The following DPP6 variants were observed in gnomAD, a reference collection of about 807,000 sequenced individuals.
DPP6 encodes the protein dipeptidyl peptidase like 6.
DPP6 carries 69 observed loss-of-function variants against 122.6 expected under a neutral mutation model. That is an observed-to-expected ratio of 0.56 (90% confidence interval 0.46 to 0.69). DPP6 has a LOEUF of 0.69. DPP6 is among the 30% of genes least tolerant of loss of function. The pLI, the probability that DPP6 is intolerant of heterozygous loss-of-function variation, is 0.00. For missense variants in DPP6, 928 were observed against 1,116.9 expected, an observed-to-expected ratio of 0.83 and a Z score of 2.41; for synonymous variants, 418 against 433.1, an observed-to-expected ratio of 0.97 and a Z score of 0.43.
At position 153,961,457 on chromosome 7, in the gene DPP6, C is replaced by T. The variant is rs568104313; in HGVS notation, c.51+73723C>T. 3.8e-3 allele frequency among the ~76,000 whole-genome samples: 569 copies of T among 150,582 alleles called. 2 individuals carry two copies. Among genetic ancestry groups the T allele is most frequent in the Middle Eastern group, 0.028 (8 of 290 alleles). On this transcript the variant is annotated intron_variant, in intron 1 of 25. Transcript: ENST00000404039. ...CACGCTCTTTTCAAAGAGCTTCCCT[C>T]GCTGCTGTCTGTGAGTTTATCTGTG...
At chr7:153,984,766 A>G (rs1484755891) in intron 1 of DPP6, among the ~76,000 whole-genome samples, 1 of 152,184 alleles carries the variant, frequency 6.6e-6, no homozygotes, top group African/African-American at 2.4e-5. Context: ...CTCTTTTGAA[A>G]CTTTTTATAT....
chr7:153,809,608 A>G, the DPP6 span, among the ~76,000 whole-genome samples: 1 of 152,158 alleles, frequency 6.6e-6, no homozygotes, highest in Non-Finnish European at 1.5e-5. Flanking sequence ...TCCTTGGTGC[A>G]GTGTTGGTGG....
intron 1 of DPP6, among the ~76,000 whole-genome samples, chr7:154,150,560 A>T (rs1037902310): frequency 6.6e-6 from 1 of 152,210 alleles, no homozygotes; most frequent in Non-Finnish European, 1.5e-5. Flanking sequence ...GGTCAGTCTG[A>T]GCTCATATTT....
At chr7:154,761,469 G>A (rs552485719) in intron 8 of DPP6, among the ~76,000 whole-genome samples, 5 of 152,172 alleles carry the variant, frequency 3.3e-5, no homozygotes, top group African/African-American at 4.8e-5. Flanking sequence ...GTGTGAGGCC[G>A]TTCTTGCATT....
At chr7:154,079,567 A>G (rs184520069) in intron 1 of DPP6, among the ~76,000 whole-genome samples, 2 of 152,208 alleles carry the variant, frequency 1.3e-5, no homozygotes, top group African/African-American at 4.8e-5. Flanking sequence ...GAGATGGGGG[A>G]TAACGGGTGA....
At chr7:154,691,565 C>G (rs890397097) in intron 7 of DPP6, among the ~76,000 whole-genome samples, 13 of 152,316 alleles carry the variant, frequency 8.5e-5, no homozygotes, top group South Asian at 2.1e-4. Context: ...CTCCTGTAAT[C>G]TCAGCACTTT....
chr7:153,939,287 A>G lies in DPP6; in HGVS notation c.51+51553A>G, dbSNP rs187519919. Among the ~76,000 whole-genome samples, 20 of 152,348 alleles carry G rather than the reference A, an allele frequency of 1.3e-4. 1 individual carries two copies. The East Asian group carries it at 3.9e-3, about 29-fold the overall frequency. ...GATAACACACAGTCTATAAAGTACA[A>G]GCGTTAAGTCACAGCCATTTGCAAT... On this transcript the variant is annotated intron_variant, in intron 1 of 25. Coordinates refer to the DPP6 transcript ENST00000404039.
intron 3 of DPP6, among the ~76,000 whole-genome samples, chr7:154,520,667 G>A (rs7780519): frequency 6.6e-6 from 1 of 152,154 alleles, no homozygotes; most frequent in Non-Finnish European, 1.5e-5. Context: ...GTGGAGGCTT[G>A]GCTCCATTGG....
the DPP6 span, among the ~76,000 whole-genome samples, chr7:153,874,559 A>G: frequency 3.5e-3 from 528 of 152,094 alleles, 2 homozygotes; most frequent in Non-Finnish European, 3.8e-3. Flanking sequence ...TATTTTTAGT[A>G]AAGACAGCAT....
At chr7:153,991,556 C>T (rs1165844451) in intron 1 of DPP6, among the ~76,000 whole-genome samples, 1 of 152,104 alleles carries the variant, frequency 6.6e-6, no homozygotes, top group African/African-American at 2.4e-5. Flanking sequence ...GTCTTCTTTC[C>T]CCTGGTTACA....
intron 1 of DPP6, among the ~76,000 whole-genome samples, chr7:153,905,495 G>A (rs879471407): frequency 7.9e-5 from 12 of 152,036 alleles, no homozygotes; most frequent in African/African-American, 1.2e-4. Flanking sequence ...GTTTCGAAGC[G>A]AATGACTCAG....
At chr7:154,176,015 G>A (rs893471214) in intron 1 of DPP6, among the ~76,000 whole-genome samples, 3 of 152,106 alleles carry the variant, frequency 2.0e-5, no homozygotes, top group African/African-American at 7.2e-5. Flanking sequence ...TGCTTCAAAT[G>A]CTTTATGACC....
At chr7:154,392,473 T>C (rs1814707797) in intron 1 of DPP6, among the ~76,000 whole-genome samples, 1 of 152,140 alleles carries the variant, frequency 6.6e-6, no homozygotes, top group Non-Finnish European at 1.5e-5. Context: ...GGAGAGTGGA[T>C]TCACCACATC....
At chr7:154,651,108 C>T (rs773665114) in intron 6 of DPP6, among the ~76,000 whole-genome samples, 1 of 152,102 alleles carries the variant, frequency 6.6e-6, no homozygotes, top group Non-Finnish European at 1.5e-5. Context: ...ACTGCACTAG[C>T]TTCCAGTATA....
intron 1 of DPP6, among the ~76,000 whole-genome samples, chr7:154,386,137 A>G (rs1814087317): frequency 6.6e-6 from 1 of 152,184 alleles, no homozygotes; most frequent in Non-Finnish European, 1.5e-5. Flanking sequence ...CTAAAGTGAC[A>G]AACAGGATCA....
intron 1 of DPP6, among the ~76,000 whole-genome samples, chr7:154,177,283 G>T (rs187940575): frequency 1.3e-5 from 2 of 152,138 alleles, no homozygotes; most frequent in African/African-American, 2.4e-5. Flanking sequence ...CAATATTACC[G>T]CATAGATAAA....
intron 1 of DPP6, among the ~76,000 whole-genome samples, chr7:153,926,744 G>A (rs1160625292): frequency 6.6e-6 from 1 of 151,702 alleles, no homozygotes; most frequent in Non-Finnish European, 1.5e-5. Context: ...TTCTCCCTAT[G>A]TAGCATTCCA....
At chr7:154,276,544 A>T (rs1464912141) in intron 1 of DPP6, among the ~76,000 whole-genome samples, 1 of 152,226 alleles carries the variant, frequency 6.6e-6, no homozygotes, top group African/African-American at 2.4e-5. Flanking sequence ...AAGAATGCAA[A>T]TGGGAAATTA....
intron 8 of DPP6, among the ~76,000 whole-genome samples, chr7:154,764,420 C>T (rs544891469): frequency 5.3e-5 from 8 of 152,216 alleles, no homozygotes; most frequent in South Asian, 4.2e-4. Flanking sequence ...TCCTTAAAGG[C>T]GGAAGACAGG....
Sources: gnomAD v4.1 joint callset for allele counts (sites outside exome capture counted in the v4.1 genomes callset) on GRCh38, gnomAD v4.1.1 for gene constraint, MANE v1.5 for transcripts, NCBI Gene and HGNC (gene_info 2026-07-23, HGNC 2026-07-21) for gene names.